Variants in CACNG2 observed in about 807,000 individuals in gnomAD.
CACNG2 encodes the protein voltage-dependent calcium channel gamma-2 subunit.
CACNG2 carries 3 observed loss-of-function variants against 25.9 expected under a neutral mutation model. The ratio of observed to expected loss-of-function variants is 0.12; its 90% CI spans 0.05 to 0.30. CACNG2 has a LOEUF of 0.30. CACNG2 is among the 10% of genes least tolerant of loss of function. The probability of loss-of-function intolerance (pLI) is 1.00; values close to 1 mark genes in which losing one functional copy is unlikely to be tolerated. For synonymous variants in CACNG2, 167 were observed against 173.3 expected (o/e 0.96, Z 0.29); for missense variants, 341 against 432.5 (o/e 0.79, Z 1.88).
chr22:36,671,901 G>T (rs1936955994), intron 1 of CACNG2, among the ~76,000 whole-genome samples: 1 of 152,222 alleles, frequency 6.6e-6, no homozygotes, highest in African/African-American at 2.4e-5. Flanking sequence ...GCTTTTAGAA[G>T]AGAAGAGAGA....
At chr22:36,634,874 T>C (rs1302379041) in intron 1 of CACNG2, among the ~76,000 whole-genome samples, 2 of 152,246 alleles carry the variant, frequency 1.3e-5, no homozygotes, top group African/African-American at 2.4e-5. Context: ...TGAATGTCTC[T>C]GGGATTAACC....
intron 1 of CACNG2, among the ~76,000 whole-genome samples, chr22:36,592,573 C>G (rs1454566259): frequency 6.6e-6 from 1 of 152,116 alleles, no homozygotes; most frequent in African/African-American, 2.4e-5. Flanking sequence ...TAAGAAACTG[C>G]CTACCCGGTT....
intron 2 of CACNG2, among the ~76,000 whole-genome samples, chr22:36,568,548 G>A (rs1935167594): frequency 6.6e-6 from 1 of 151,978 alleles, no homozygotes; most frequent in African/African-American, 2.4e-5. Context: ...GGGACTACAG[G>A]TGTGCGCCAT....
chr22:36,617,343 T>C (rs775956396), intron 1 of CACNG2, among the ~76,000 whole-genome samples: 19 of 152,146 alleles, frequency 1.2e-4, no homozygotes, highest in Non-Finnish European at 2.6e-4. Flanking sequence ...TCTATGTATG[T>C]TAATTCAGAG....
At chr22:36,694,674 A>T (rs1049641394) in intron 1 of CACNG2, among the ~76,000 whole-genome samples, 2 of 152,128 alleles carry the variant, frequency 1.3e-5, no homozygotes, top group Non-Finnish European at 2.9e-5. Flanking sequence ...ATTTTGCAAG[A>T]TTCTTATTCT....
At chr22:36,568,720 G>T (rs749231769) in intron 2 of CACNG2, among the ~76,000 whole-genome samples, 2 of 152,174 alleles carry the variant, frequency 1.3e-5, no homozygotes, top group Non-Finnish European at 2.9e-5. Context: ...GCTGAGATGT[G>T]TGTGATGTGA....
intron 1 of CACNG2, among the ~76,000 whole-genome samples, chr22:36,653,857 C>T (rs1225865030): frequency 6.6e-6 from 1 of 151,722 alleles, no homozygotes; most frequent in African/African-American, 2.4e-5. Context: ...GTAAGACCTC[C>T]AGGATTCCCA....
chr22:36,680,075 C>T (rs1341218602), intron 1 of CACNG2, among the ~76,000 whole-genome samples: 1 of 151,702 alleles, frequency 6.6e-6, no homozygotes, highest in Non-Finnish European at 1.5e-5. Flanking sequence ...ATCATTATCA[C>T]CACCATCACC....
chr22:36,563,700 G>T lies in CACNG2; in HGVS notation c.*651C>A, dbSNP rs1169246106. 2.0e-5 allele frequency among the ~76,000 whole-genome samples: 3 copies of T among 151,706 alleles called. No individual in the cohort carries two copies. Among genetic ancestry groups the T allele is most frequent in the African/African-American group, 7.3e-5 (3 of 41,348 alleles). ...GCTCTGAGCCTTCCTGGAGTTCCTG[G>T]GGCACCCACCCAGGGGCTCCAGGGA... On this transcript the variant is annotated 3_prime_UTR_variant, in exon 4 of 4. Coordinates refer to ENST00000300105, the MANE Select transcript of CACNG2 (RefSeq NM_006078.5).
chr22:36,570,619 C>T (rs373752467), intron 2 of CACNG2, among the ~76,000 whole-genome samples: 27 of 152,124 alleles, frequency 1.8e-4, no homozygotes, highest in South Asian at 8.3e-4. Flanking sequence ...AAAAATTAGC[C>T]GGGCATGGTG....
chr22:36,611,716 G>A (rs1443831968), intron 1 of CACNG2, among the ~76,000 whole-genome samples: 1 of 152,170 alleles, frequency 6.6e-6, no homozygotes, highest in Non-Finnish European at 1.5e-5. Flanking sequence ...ACCAGCCGCG[G>A]GTCTCCAGGC....
At chr22:36,569,836 G>C (rs749690546) in intron 2 of CACNG2, among the ~76,000 whole-genome samples, 2 of 152,178 alleles carry the variant, frequency 1.3e-5, no homozygotes, top group African/African-American at 2.4e-5. Flanking sequence ...CACCGCGCCC[G>C]GCCGTTAGAT....
At chr22:36,694,825 G>A (rs1047268084) in intron 1 of CACNG2, among the ~76,000 whole-genome samples, 2 of 152,190 alleles carry the variant, frequency 1.3e-5, no homozygotes, top group Non-Finnish European at 2.9e-5. Context: ...AAAGTTATTT[G>A]AGTCTATTTC....
At chr22:36,629,338 G>A (rs952178474) in intron 1 of CACNG2, among the ~76,000 whole-genome samples, 2 of 152,174 alleles carry the variant, frequency 1.3e-5, no homozygotes, top group African/African-American at 4.8e-5. Context: ...CAGGCTGTGA[G>A]CTGGTGATGG....
At chr22:36,677,000 T>C (rs1030162622) in intron 1 of CACNG2, among the ~76,000 whole-genome samples, 1 of 150,572 alleles carries the variant, frequency 6.6e-6, no homozygotes, top group African/African-American at 2.4e-5. Context: ...AGCAAATTCA[T>C]CTGAAATTGC....
At chr22:36,668,283 C>G (rs545857011) in intron 1 of CACNG2, among the ~76,000 whole-genome samples, 1 of 152,222 alleles carries the variant, frequency 6.6e-6, no homozygotes, top group South Asian at 2.1e-4. Context: ...TCCCATGTAC[C>G]TCCCCATCTC....
At chr22:36,642,747 C>T (rs1936458407) in intron 1 of CACNG2, among the ~76,000 whole-genome samples, 3 of 152,218 alleles carry the variant, frequency 2.0e-5, no homozygotes, top group Non-Finnish European at 2.9e-5. Context: ...TCCTGCAGCT[C>T]GTTTGCCTGG....
intron 1 of CACNG2, among the ~76,000 whole-genome samples, chr22:36,590,628 G>A (rs993664638): frequency 1.3e-5 from 2 of 152,102 alleles, no homozygotes; most frequent in Non-Finnish European, 2.9e-5. Flanking sequence ...GATGGCTGCC[G>A]CGGCCTCCCC....
intron 1 of CACNG2, among the ~76,000 whole-genome samples, chr22:36,657,269 T>C (rs1389530881): frequency 6.6e-6 from 1 of 152,210 alleles, no homozygotes; most frequent in Admixed American, 6.5e-5. Context: ...GAAGGATAAC[T>C]GAACAAAGAG....
Sources: allele counts gnomAD v4.1 joint callset (sites outside exome capture counted in the v4.1 genomes callset), GRCh38; gene constraint gnomAD v4.1.1; transcripts MANE v1.5; gene names NCBI Gene and HGNC (gene_info 2026-07-23, HGNC 2026-07-21).